NCOA1: variants seen among roughly 807,000 people sequenced by gnomAD.
NCOA1 encodes Hin-2 protein.
A neutral mutation model predicts 150.9 loss-of-function variants in NCOA1; 35 were observed. The ratio of observed to expected loss-of-function variants is 0.23; its 90% CI spans 0.18 to 0.31. The LOEUF (loss-of-function observed/expected upper bound fraction) is 0.31. Among genes scored for constraint, NCOA1 ranks in the 10% least tolerant of loss-of-function variants. The pLI is 1.00. For missense variants in NCOA1, 1,491 were observed against 1,749.3 expected (o/e 0.85, Z 2.63); for synonymous variants, 590 against 630.0 (o/e 0.94, Z 0.95).
intron 7 of NCOA1, among the ~76,000 whole-genome samples, chr2:24,675,108 G>C (rs778392905): frequency 6.6e-6 from 1 of 152,054 alleles, no homozygotes; most frequent in African/African-American, 2.4e-5. Flanking sequence ...TGGGAGTCTA[G>C]CCTTGGCTCT....
rs1664163598 is a variant in NCOA1, at chr2:24,516,344, T to C, written c.-396+24742T>C. On this transcript the variant is annotated intron_variant, in intron 1 of 22. Transcript: ENST00000348332. Reference sequence around the variant, plus strand: ...AGTAGCTGGGACTACAGGCGCCCGCTACCACGCCTGGCTAATTTTTTGTAT... The same window carrying C: ...AGTAGCTGGGACTACAGGCGCCCGCCACCACGCCTGGCTAATTTTTTGTAT... Among the ~76,000 whole-genome samples the C allele has an allele frequency of 3.3e-5, 5 of 151,540 alleles. No homozygotes were observed. In the South Asian group the frequency reaches 1.0e-3, roughly 31 times the overall value.
chr2:24,734,880 A>C (rs1663216154), intron 17 of NCOA1, among the ~76,000 whole-genome samples: 1 of 152,194 alleles, frequency 6.6e-6, no homozygotes, highest in Non-Finnish European at 1.5e-5. Context: ...TACATAATAG[A>C]CGGTTCTGCA....
intron 19 of NCOA1, among the ~76,000 whole-genome samples, chr2:24,742,674 C>T (rs1663670193): frequency 6.6e-6 from 1 of 151,424 alleles, no homozygotes; most frequent in Non-Finnish European, 1.5e-5. Context: ...GTTGCTCACA[C>T]TGGTCTTGAA....
At chr2:24,523,827 G>C (rs905004521) in intron 1 of NCOA1, among the ~76,000 whole-genome samples, 1 of 146,738 alleles carries the variant, frequency 6.8e-6, no homozygotes, top group Non-Finnish European at 1.5e-5. Flanking sequence ...TTGGGAGGCT[G>C]AGGCAGGAGA....
chr2:24,613,249 G>A (rs1271479928), intron 3 of NCOA1, among the ~76,000 whole-genome samples: 1 of 152,128 alleles, frequency 6.6e-6, no homozygotes, highest in African/African-American at 2.4e-5. Flanking sequence ...GGCGCTTACG[G>A]GTAAGATCAC....
intron 1 of NCOA1, among the ~76,000 whole-genome samples, chr2:24,517,004 G>GCGCACA (rs1553422229): frequency 5.5e-4 from 46 of 83,930 alleles, no homozygotes; most frequent in African/African-American, 1.7e-3. Flanking sequence ...ACACACGCGC[G>GCGCACA]CACACACACA....
chr2:24,604,251 A>G (rs1330304345), intron 3 of NCOA1, among the ~76,000 whole-genome samples: 4 of 152,350 alleles, frequency 2.6e-5, no homozygotes, highest in South Asian at 2.1e-4. Context: ...CTTATTGGCC[A>G]TAGGATTTTT....
chr2:24,765,258 C>T (rs1216129185), intron 22 of NCOA1, among the ~76,000 whole-genome samples: 1 of 151,840 alleles, frequency 6.6e-6, no homozygotes, highest in East Asian at 1.9e-4. Context: ...AATCCCAATA[C>T]TTCAGGAGGC....
Position 24,762,779 on chromosome 2 carries a change from C to A in NCOA1, c.4155+3C>A. On this transcript the variant is annotated splice_donor_region_variant and intron_variant, in intron 22 of 22. Transcript: ENST00000348332. The stretch of plus-strand genomic sequence containing the variant: ...AAACAGAAGCAGATGGAACCCAGGT[C>A]AGTAAGGAAATTCTAAGCCCAGAGC... 1.2e-6 allele frequency: 2 copies of A among 1,612,282 alleles called. No homozygotes were observed. Among genetic ancestry groups the A allele is most frequent in the South Asian group, 2.2e-5 (2 of 91,024 alleles).
intron 3 of NCOA1, among the ~76,000 whole-genome samples, chr2:24,635,212 C>T (rs1472816614): frequency 6.6e-6 from 1 of 152,018 alleles, no homozygotes; most frequent in Non-Finnish European, 1.5e-5. Flanking sequence ...CTGTGTGTCA[C>T]CTATCTCTTG....
intron 1 of NCOA1, among the ~76,000 whole-genome samples, chr2:24,507,159 A>G (rs1261698483): frequency 1.3e-5 from 2 of 152,210 alleles, no homozygotes; most frequent in African/African-American, 4.8e-5. Context: ...CTGGAAGCAA[A>G]TGCTTATATC....
chr2:24,678,890 T>C (rs1672037650), intron 7 of NCOA1, among the ~76,000 whole-genome samples: 3 of 152,242 alleles, frequency 2.0e-5, no homozygotes, highest in Non-Finnish European at 1.5e-5. Context: ...TTTAATTAGA[T>C]CCTATTTGTT....
chr2:24,664,585 G>C (rs1028178438), intron 5 of NCOA1, among the ~76,000 whole-genome samples: 2 of 152,040 alleles, frequency 1.3e-5, no homozygotes. Context: ...GCGTGCGCCT[G>C]TAGTCCCAGC....
intron 2 of NCOA1, among the ~76,000 whole-genome samples, chr2:24,571,443 C>T (rs531722273): frequency 2.0e-5 from 3 of 152,298 alleles, no homozygotes; most frequent in African/African-American, 7.2e-5. Flanking sequence ...GCTCTCTTCT[C>T]AGCACTTTAT....
chr2:24,610,481 C>T (rs183346341), intron 3 of NCOA1, among the ~76,000 whole-genome samples: 13 of 152,094 alleles, frequency 8.5e-5, no homozygotes, highest in African/African-American at 2.9e-4. Context: ...TTCTGTGTAA[C>T]AGTTCACTGA....
In NCOA1 at chr2:24,563,047, C is replaced by T. The variant is rs367870132; in HGVS notation, c.-395-1248C>T. Reference sequence around the variant, plus strand: ...CGCTCTAAAGCATTATTTTCGAAAGCCAGATTTAGCCCAGTGGTTGAAAGA... The same window carrying T: ...CGCTCTAAAGCATTATTTTCGAAAGTCAGATTTAGCCCAGTGGTTGAAAGA... On this transcript the variant is annotated intron_variant, in intron 1 of 22. Coordinates refer to ENST00000348332, the MANE Select transcript of NCOA1 (RefSeq NM_003743.5). Among the ~76,000 whole-genome samples the T allele has an allele frequency of 3.3e-4, 51 of 152,244 alleles. 1 individual carries two copies. The South Asian group carries it at 6.6e-3, about 20-fold the overall frequency.
intron 2 of NCOA1, among the ~76,000 whole-genome samples, chr2:24,571,682 T>G (rs1222885275): frequency 6.6e-6 from 1 of 152,190 alleles, no homozygotes. Context: ...AGTTCACCTT[T>G]TAAAGACCAG....
chr2:24,636,376 T>C (rs1291748599), intron 3 of NCOA1, among the ~76,000 whole-genome samples: 1 of 152,160 alleles, frequency 6.6e-6, no homozygotes, highest in Admixed American at 6.5e-5. Context: ...TATTTTCCAG[T>C]TGTTTGCTAC....
intron 5 of NCOA1, 67 bp from the exon 6 acceptor site, chr2:24,665,682 A>G: frequency 4.1e-6 from 5 of 1,217,748 alleles, no homozygotes; most frequent in Non-Finnish European, 5.4e-6. Context: ...GTAAGCATAG[A>G]TACTTGATCA....
Sources: allele counts gnomAD v4.1 joint callset (sites outside exome capture counted in the v4.1 genomes callset), GRCh38; gene constraint gnomAD v4.1.1; transcripts MANE v1.5; gene names NCBI Gene and HGNC (gene_info 2026-07-23, HGNC 2026-07-21).